Variants in SGCZ observed in about 807,000 individuals in gnomAD.
SGCZ encodes sarcoglycan zeta.
A neutral mutation model predicts 41.3 loss-of-function variants in SGCZ; 40 were observed. The observed-to-expected ratio is 0.97, with a 90% CI of 0.75 to 1.26. The LOEUF is 1.26. Ranked by LOEUF, SGCZ falls within the 50% of genes most tolerant of loss-of-function variation. The pLI is 0.00. For missense variants in SGCZ, 552 were observed against 369.8 expected, an observed-to-expected ratio of 1.49 and a Z score of -4.04; for synonymous variants, 206 against 137.5, an observed-to-expected ratio of 1.50 and a Z score of -3.49.
At chr8:14,191,207 A>G (rs959468680) in intron 4 of SGCZ, among the ~76,000 whole-genome samples, 1 of 151,776 alleles carries the variant, frequency 6.6e-6, no homozygotes, top group African/African-American at 2.4e-5. Context: ...TTTTCTTGCT[A>G]TTGAGCTGTG....
intron 4 of SGCZ, among the ~76,000 whole-genome samples, chr8:14,170,051 C>A (rs1804329311): frequency 1.0e-5 from 1 of 96,200 alleles, no homozygotes; most frequent in African/African-American, 2.8e-5. Flanking sequence ...TGGGTTCTTT[C>A]ACTTGATTTT....
chr8:15,165,390 C>T (rs1267553316), intron 1 of SGCZ, among the ~76,000 whole-genome samples: 1 of 152,074 alleles, frequency 6.6e-6, no homozygotes, highest in Non-Finnish European at 1.5e-5. Flanking sequence ...TAAAAACAGC[C>T]CTAAAGACTA....
At chr8:15,237,252 G>GCCCCCCC (rs57656728) in intron 1 of SGCZ, among the ~76,000 whole-genome samples, 5 of 149,912 alleles carry the variant, frequency 3.3e-5, no homozygotes, top group African/African-American at 1.3e-4. Context: ...TGGTGCCGCT[G>GCCCCCCC]CCCCCCCCGG....
chr8:14,277,059 G>A (rs1800261443), intron 3 of SGCZ, among the ~76,000 whole-genome samples: 1 of 152,078 alleles, frequency 6.6e-6, no homozygotes. Context: ...CTTTGTTTGT[G>A]CTATTTGTCC....
intron 2 of SGCZ, among the ~76,000 whole-genome samples, chr8:14,487,248 CTT>C (rs1801700670): frequency 6.6e-6 from 1 of 152,126 alleles, no homozygotes; most frequent in Non-Finnish European, 1.5e-5. Flanking sequence ...ATTGTAAACG[CTT>C]TATTTTTATT....
intron 1 of SGCZ, among the ~76,000 whole-genome samples, chr8:14,863,813 T>G (rs115476781): frequency 2.2e-3 from 332 of 152,148 alleles, no homozygotes; most frequent in African/African-American, 7.8e-3. Context: ...GAAGACTGGG[T>G]TGTAAATGCT....
chr8:14,240,418 T>C (rs1798836016), intron 3 of SGCZ, among the ~76,000 whole-genome samples: 1 of 151,922 alleles, frequency 6.6e-6, no homozygotes, highest in Non-Finnish European at 1.5e-5. Context: ...AATCTCCTTT[T>C]ACTCTAACCG....
chr8:14,869,826 C>G (rs986101709), intron 1 of SGCZ, among the ~76,000 whole-genome samples: 1 of 152,162 alleles, frequency 6.6e-6, no homozygotes, highest in African/African-American at 2.4e-5. Flanking sequence ...CATGAGTGAA[C>G]TCCCATTCAC....
Position 14,871,268 on chromosome 8 carries a change from C to T in SGCZ, c.40-316342G>A, listed in dbSNP as rs1043053587. On this transcript the variant is annotated intron_variant, in intron 1 of 7. Coordinates refer to ENST00000382080, the MANE Select transcript of SGCZ (RefSeq NM_139167.4). ...TGGAGAGAATGTGGAGAAACAGGAACCCTTTTACACTGTTGGTGGGAGTGT... is the reference window on the plus strand; with the variant it reads ...TGGAGAGAATGTGGAGAAACAGGAATCCTTTTACACTGTTGGTGGGAGTGT... Among the ~76,000 whole-genome samples, 23 of 152,088 alleles carry T rather than the reference C, an allele frequency of 1.5e-4. No individual in the cohort carries two copies. The Middle Eastern group carries it at 0.014, about 90-fold the overall frequency.
intron 1 of SGCZ, among the ~76,000 whole-genome samples, chr8:15,187,605 A>T: frequency 6.6e-6 from 1 of 152,150 alleles, no homozygotes; most frequent in East Asian, 1.9e-4. Flanking sequence ...TCACATAAAG[A>T]ACTTTTTATT....
chr8:14,677,169 G>C (rs1024186258), intron 1 of SGCZ, among the ~76,000 whole-genome samples: 2 of 151,930 alleles, frequency 1.3e-5, no homozygotes, highest in African/African-American at 4.8e-5. Context: ...TGCCAGCAAT[G>C]AGAAAGTGGG....
At chr8:14,418,281 G>A (rs13439580) in intron 2 of SGCZ, among the ~76,000 whole-genome samples, 2,716 of 152,000 alleles carry the variant, frequency 0.018, 81 homozygotes, top group African/African-American at 0.062. Flanking sequence ...GAGAACTGAG[G>A]CCTAATGTTT....
intron 1 of SGCZ, among the ~76,000 whole-genome samples, chr8:14,922,484 C>T (rs886170515): frequency 1.3e-5 from 2 of 151,802 alleles, no homozygotes; most frequent in Non-Finnish European, 2.9e-5. Flanking sequence ...GATGGAGTTT[C>T]GCTCTTGTTG....
chr8:14,525,055 AGATGAT>A (rs1004641286), intron 2 of SGCZ, among the ~76,000 whole-genome samples: 1 of 152,046 alleles, frequency 6.6e-6, no homozygotes, highest in African/African-American at 2.4e-5. Flanking sequence ...GTAGAGAGAT[AGATGAT>A]GATGATGATA....
At chr8:15,005,502 T>A (rs1427388490) in intron 1 of SGCZ, among the ~76,000 whole-genome samples, 2 of 152,054 alleles carry the variant, frequency 1.3e-5, no homozygotes, top group East Asian at 3.9e-4. Flanking sequence ...CAGCTAATTT[T>A]GTATTTTCAG....
intron 3 of SGCZ, among the ~76,000 whole-genome samples, chr8:14,279,186 G>T (rs980410686): frequency 1.3e-5 from 2 of 151,682 alleles, no homozygotes; most frequent in African/African-American, 2.4e-5. Flanking sequence ...TCCCTGAGGA[G>T]CAAGGGGGGA....
At position 14,961,740 on chromosome 8, in the gene SGCZ, G is replaced by C. The variant is rs573889391; in HGVS notation, c.39+275845C>G. ...CTGTACAAATGACTTCACAAGAAGA[G>C]AAAAGGCACGAATAAAAGCAATGAT... On this transcript the variant is annotated intron_variant, in intron 1 of 7. Coordinates refer to ENST00000382080, the MANE Select transcript of SGCZ (RefSeq NM_139167.4). Among the ~76,000 whole-genome samples, 8 of 152,198 alleles carry C rather than the reference G, an allele frequency of 5.3e-5. No individual in the cohort carries two copies. In the South Asian group the frequency reaches 1.2e-3, roughly 24 times the overall value.
At chr8:14,544,949 C>A (rs1803579325) in intron 2 of SGCZ, among the ~76,000 whole-genome samples, 1 of 152,034 alleles carries the variant, frequency 6.6e-6, no homozygotes, top group Admixed American at 6.6e-5. Context: ...GATCTTTGTA[C>A]CTACTCCCCG....
chr8:14,186,872 C>G (rs774481071), intron 4 of SGCZ, among the ~76,000 whole-genome samples: 15 of 152,300 alleles, frequency 9.8e-5, no homozygotes, highest in Non-Finnish European at 1.9e-4. Flanking sequence ...GGCAAAGAGA[C>G]AGTTAAGAGC....
Sources: allele counts gnomAD v4.1 joint callset (sites outside exome capture counted in the v4.1 genomes callset), GRCh38; gene constraint gnomAD v4.1.1; transcripts MANE v1.5; gene names NCBI Gene and HGNC (gene_info 2026-07-23, HGNC 2026-07-21).